Variants in PFKP observed in about 807,000 individuals in gnomAD.
The protein encoded by PFKP is phosphofructokinase, platelet, also known as ATP-dependent 6-phosphofructokinase, platelet type.
A neutral mutation model predicts 94.3 loss-of-function variants in PFKP; 101 were observed. The observed-to-expected ratio is 1.07, with a 90% CI of 0.91 to 1.26. The LOEUF (loss-of-function observed/expected upper bound fraction) is 1.26, where lower values mean the gene tolerates loss of function less well. PFKP is among the 50% of genes most tolerant of loss of function. PFKP has a pLI of 0.00. For missense variants in PFKP, 1,145 were observed against 1,103.3 expected, an observed-to-expected ratio of 1.04 and a Z score of -0.53; for synonymous variants, 573 against 432.6, an observed-to-expected ratio of 1.32 and a Z score of -4.03.
chr10:3,107,680 T>C (rs1352601588), intron 8 of PFKP: 1 of 941,870 alleles, frequency 1.1e-6, no homozygotes, highest in African/African-American at 1.8e-5. Context: ...TTTGCCACAG[T>C]GGGAAAAGGC....
chr10:3,125,289 T>C, intron 16 of PFKP: 4 of 1,230,508 alleles, frequency 3.3e-6, no homozygotes, highest in Non-Finnish European at 4.2e-6. Flanking sequence ...TTTCCGTCAT[T>C]TATTTTAGCA....
At chr10:3,134,456 AT>A (rs1227669995) in intron 19 of PFKP, 26 bp from the exon 20 acceptor site, 1 of 1,305,800 alleles carries the variant, frequency 7.7e-7, no homozygotes, top group Non-Finnish European at 1.1e-6. Flanking sequence ...TATAACTGGT[AT>A]TTCATATAAC....
At chr10:3,110,365 ATTTTTTTTTT>A (rs57980780) in intron 10 of PFKP, among the ~76,000 whole-genome samples, 28 of 92,574 alleles carry the variant, frequency 3.0e-4, no homozygotes, top group Non-Finnish European at 3.3e-4. Context: ...CGCCTGGCTA[ATTTTTTTTTT>A]TTTTTTTTTT....
chr10:3,107,756 C>T lies in PFKP; in HGVS notation c.870+447C>T, dbSNP rs936202283. 2.0e-5 allele frequency: 18 copies of T among 902,652 alleles called. 1 individual carries two copies. The African/African-American group carries it at 3.6e-4, about 18-fold the overall frequency. The allele number at this position is 902,652 out of a possible 1,614,324, so 55.9% of individuals were successfully genotyped here. A position where few individuals can be genotyped will look rare whatever the true frequency, so the allele number is the denominator to read the frequency against. ...ATCAGCTGAGCACATTCTTACAAAG[C>T]CACTGTGTCCTCGTGGCCCTGCCTG... On this transcript the variant is annotated intron_variant, in intron 8 of 21. Transcript: ENST00000381125.
chr10:3,123,513 C>A (rs9423469), intron 16 of PFKP, among the ~76,000 whole-genome samples: 1 of 151,514 alleles, frequency 6.6e-6, no homozygotes, highest in African/African-American at 2.4e-5. Context: ...TGGAGTTAAG[C>A]TGCCGAGACC....
chr10:3,108,121 C>T (rs1835815619), intron 8 of PFKP: 1 of 834,700 alleles, frequency 1.2e-6, no homozygotes, highest in Non-Finnish European at 1.7e-6. Flanking sequence ...ATTTTATTTC[C>T]CGCTTAACTG....
chr10:3,087,435 G>A (rs1833691748), intron 2 of PFKP, among the ~76,000 whole-genome samples: 2 of 152,170 alleles, frequency 1.3e-5, no homozygotes, highest in Non-Finnish European at 2.9e-5. Flanking sequence ...GCCCTCGGTG[G>A]GGAAGGAGGG....
intron 2 of PFKP, among the ~76,000 whole-genome samples, chr10:3,090,922 A>G (rs1293778171): frequency 6.6e-6 from 1 of 152,146 alleles, no homozygotes; most frequent in Non-Finnish European, 1.5e-5. Context: ...CTGGGTTACC[A>G]ACAGACCAGG....
At position 3,067,673 on chromosome 10, in the gene PFKP, C is replaced by T. The variant is rs1303965623; in HGVS notation, c.78C>T (p.Ala26=). 1.3e-6 allele frequency: 2 copies of T among 1,530,836 alleles called. No homozygotes were observed. The highest frequency in any genetic ancestry group is 8.8e-7 in the Non-Finnish European group (1 of 1,138,474). 94.8% of individuals were successfully genotyped at this position (1,530,836 alleles called of 1,614,324 possible). ...AGCACCTCTCCGGGGCCGGCAAGGC[C>T]ATCGGCGTGCTGACCAGCGGCGGGG... is the stretch of plus-strand genomic sequence containing the variant. The part of the protein sequence containing the change: ...FLEHLSGAGK[A]IGVLTSGGDA... Residue 26 remains alanine, a synonymous_variant, in exon 1 of 22, where the codon GCC becomes GCT. Transcript: ENST00000381125.
At chr10:3,129,537 T>C in intron 16 of PFKP, 1 of 429,510 alleles carries the variant, frequency 2.3e-6, no homozygotes, top group Non-Finnish European at 4.2e-6. Context: ...CGTCCCCTTC[T>C]ATGGGGCCTG....
chr10:3,133,394 GT>G, intron 19 of PFKP, 80 bp downstream of exon 19: 1 of 924,826 alleles, frequency 1.1e-6, no homozygotes, highest in South Asian at 1.3e-5. Context: ...TTTAGCCATT[GT>G]GGGGAAAAAT....
chr10:3,073,286 C>G (rs1224356435), intron 1 of PFKP, among the ~76,000 whole-genome samples: 1 of 151,948 alleles, frequency 6.6e-6, no homozygotes, highest in African/African-American at 2.4e-5. Flanking sequence ...CTCCCTGTCT[C>G]TGTCTTCCCT....
chr10:3,087,668 G>A (rs115236663), intron 2 of PFKP, among the ~76,000 whole-genome samples: 2,321 of 152,236 alleles, frequency 0.015, 49 homozygotes, highest in African/African-American at 0.052. Context: ...CAGGCTTTTG[G>A]AATTATCTTA....
At chr10:3,080,843 T>C (rs1588402152) in intron 1 of PFKP, among the ~76,000 whole-genome samples, 2 of 152,146 alleles carry the variant, frequency 1.3e-5, no homozygotes, top group South Asian at 2.1e-4. Flanking sequence ...GAGCAGGTGT[T>C]GGTTGTATGG....
chr10:3,074,120 T>C (rs1588380658), intron 1 of PFKP, among the ~76,000 whole-genome samples: 1 of 152,212 alleles, frequency 6.6e-6, no homozygotes, highest in Non-Finnish European at 1.5e-5. Context: ...TATTACAGGC[T>C]GGAGCCACTG....
intron 2 of PFKP, among the ~76,000 whole-genome samples, chr10:3,098,688 A>AAAAAG (rs1313571952): frequency 6.6e-6 from 1 of 151,686 alleles, no homozygotes; most frequent in South Asian, 2.1e-4. Flanking sequence ...AAAAAAAAAA[A>AAAAAG]AAGGTAATTG....
chr10:3,069,449 C>G, intron 1 of PFKP: 1 of 1,469,834 alleles, frequency 6.8e-7, no homozygotes, highest in Non-Finnish European at 9.3e-7. Flanking sequence ...CAGTCAAAGG[C>G]CTTCAGAAGC....
chr10:3,082,769 A>G (rs760401128), intron 2 of PFKP, among the ~76,000 whole-genome samples: 4 of 152,076 alleles, frequency 2.6e-5, no homozygotes, highest in Non-Finnish European at 2.9e-5. Context: ...TCCAGGCTGG[A>G]GTGCAGAGGC....
At chr10:3,081,977 C>CTTTTTTTTTTTTTTTTTT (rs547880338) in intron 1 of PFKP, among the ~76,000 whole-genome samples, 4 of 68,440 alleles carry the variant, frequency 5.8e-5, no homozygotes, top group South Asian at 6.6e-4. Context: ...AGCCCATTGC[C>CTTTTTTTTTTTTTTTTTT]TTTTTTTTTT....
Sources: gnomAD v4.1 joint callset for allele counts (sites outside exome capture counted in the v4.1 genomes callset) on GRCh38, gnomAD v4.1.1 for gene constraint, MANE v1.5 for transcripts, NCBI Gene and HGNC (gene_info 2026-07-23, HGNC 2026-07-21) for gene names.